PSD2: variants seen among roughly 807,000 people sequenced by gnomAD.
PSD2 encodes PH and SEC7 domain-containing protein 2.
In PSD2, 38 loss-of-function variants were observed where a neutral mutation model predicts 69.8. The ratio of observed to expected loss-of-function variants is 0.54; its 90% CI spans 0.42 to 0.71. The LOEUF is 0.71. Among genes scored for constraint, PSD2 ranks in the 30% least tolerant of loss-of-function variants. PSD2 has a pLI of 0.00. For synonymous variants in PSD2, 412 were observed against 423.0 expected (o/e 0.97, Z 0.32); for missense variants, 943 against 1,014.5 (o/e 0.93, Z 0.96).
At chr5:139,805,654 T>C (rs1419021893) in intron 1 of PSD2, among the ~76,000 whole-genome samples, 2 of 152,026 alleles carry the variant, frequency 1.3e-5, no homozygotes, top group Non-Finnish European at 2.9e-5. Flanking sequence ...AGTGTTGGAG[T>C]TGAGCCCTGA....
At chr5:139,827,316 A>G (rs181162405) in intron 7 of PSD2, among the ~76,000 whole-genome samples, 2 of 152,374 alleles carry the variant, frequency 1.3e-5, no homozygotes, top group East Asian at 3.9e-4. Flanking sequence ...AGGAGTCTCC[A>G]TGCCCATGTG....
the PSD2 span, among the ~76,000 whole-genome samples, chr5:139,776,670 C>CTT: frequency 0.026 from 3,485 of 132,998 alleles, 139 homozygotes; most frequent in African/African-American, 0.095. Context: ...TTCTGAGCTG[C>CTT]TTTTTTTTTT....
rs188678638 is a variant in PSD2 at position 139,827,131 on chromosome 5, G to A, written c.1269+4347G>A. On this transcript the variant is annotated intron_variant, in intron 7 of 14. Coordinates refer to ENST00000274710, the MANE Select transcript of PSD2 (RefSeq NM_032289.4). ...GAGGTGATCCAGGGCCTAGCCCTGG[G>A]CTAGAGGTGGGGTCATTCTTCCCCA... 7.3e-3 allele frequency among the ~76,000 whole-genome samples: 1,115 copies of A among 152,352 alleles called. 49 individuals are homozygous for A. The highest frequency in any genetic ancestry group is 0.063 in the Admixed American group (971 of 15,308).
intron 1 of PSD2, among the ~76,000 whole-genome samples, chr5:139,803,095 C>G (rs1759714386): frequency 6.6e-6 from 1 of 152,258 alleles, no homozygotes; most frequent in African/African-American, 2.4e-5. Context: ...GGCCCTTGCC[C>G]TACACTTGTG....
At chr5:139,760,931 G>A in the PSD2 span, among the ~76,000 whole-genome samples, 2 of 152,298 alleles carry the variant, frequency 1.3e-5, 1 homozygote, top group African/African-American at 4.8e-5. Flanking sequence ...GGGATCTCCT[G>A]GTCCCAAGGT....
chr5:139,803,881 TC>T (rs1183980011), intron 1 of PSD2, among the ~76,000 whole-genome samples: 2 of 152,052 alleles, frequency 1.3e-5, no homozygotes, highest in Non-Finnish European at 1.5e-5. Context: ...GGTGGGAAGA[TC>T]CTTAACTCCA....
the PSD2 span, among the ~76,000 whole-genome samples, chr5:139,746,452 C>T: frequency 1.4e-4 from 22 of 152,196 alleles, no homozygotes; most frequent in Admixed American, 1.0e-3. This position sits in a 1 kb window ranked among gnomAD's most constrained non-coding sequence, Gnocchi z 4.5. Context: ...CTTCTCCCTG[C>T]CGCAGGCTAC....
At chr5:139,776,873 A>G in the PSD2 span, among the ~76,000 whole-genome samples, 1 of 151,494 alleles carries the variant, frequency 6.6e-6, no homozygotes, top group South Asian at 2.1e-4. Context: ...CCCCTCTCTA[A>G]CCCTCCCGAC....
At chr5:139,787,363 C>T in the PSD2 span, among the ~76,000 whole-genome samples, 11 of 152,372 alleles carry the variant, frequency 7.2e-5, no homozygotes, top group South Asian at 2.1e-4. Context: ...GAAGGGGGGC[C>T]TGGGCTCTGC....
chr5:139,750,348 A>C, the PSD2 span, among the ~76,000 whole-genome samples: 18 of 152,176 alleles, frequency 1.2e-4, no homozygotes, highest in South Asian at 2.1e-4. Context: ...CAAAACAAAA[A>C]AAAACCCAAA....
At chr5:139,759,236 C>T in the PSD2 span, among the ~76,000 whole-genome samples, 1 of 152,182 alleles carries the variant, frequency 6.6e-6, no homozygotes, top group Non-Finnish European at 1.5e-5. Flanking sequence ...CCGCACACCG[C>T]AGATCCCAGC....
chr5:139,818,512 C>T (rs1315423167), intron 5 of PSD2, among the ~76,000 whole-genome samples: 6 of 152,186 alleles, frequency 3.9e-5, no homozygotes, highest in Non-Finnish European at 8.8e-5. Context: ...CACCACTGCA[C>T]TCCAGCCTGG....
the PSD2 span, among the ~76,000 whole-genome samples, chr5:139,745,576 T>C: frequency 2.6e-5 from 4 of 152,250 alleles, no homozygotes; most frequent in African/African-American, 9.6e-5. Flanking sequence ...AGAGAACTTC[T>C]CTGCTCCTAG....
In PSD2 at chr5:139,813,268, A is replaced by G. The variant is rs575861705; in HGVS notation, c.372-41A>G. 5 of 1,489,424 alleles carry G rather than the reference A, an allele frequency of 3.4e-6. No homozygotes were observed. The African/African-American group carries it at 7.0e-5, about 21-fold the overall frequency. The allele number at this position is 1,489,424 out of a possible 1,614,324, so 92.3% of individuals were successfully genotyped here. A position where few individuals can be genotyped will look rare whatever the true frequency, so the allele number is the denominator to read the frequency against. ...GTAGTCACCAGCACCTGTATGGGGG[A>G]CAGCTTGGCAGGATGGTGACTGGCT... is the stretch of plus-strand genomic sequence containing the variant. On this transcript the variant is annotated intron_variant, in intron 2 of 14. Coordinates refer to ENST00000274710, the MANE Select transcript of PSD2 (RefSeq NM_032289.4).
the PSD2 span, among the ~76,000 whole-genome samples, chr5:139,756,748 G>A: frequency 6.6e-6 from 1 of 152,124 alleles, no homozygotes; most frequent in Non-Finnish European, 1.5e-5. Flanking sequence ...AATCAAAGTT[G>A]GCCTTCAGGA....
At chr5:139,754,476 T>C in the PSD2 span, among the ~76,000 whole-genome samples, 1 of 151,878 alleles carries the variant, frequency 6.6e-6, no homozygotes, top group Non-Finnish European at 1.5e-5. Flanking sequence ...ACAGATCGCT[T>C]GAGCTCAGGA....
upstream of PSD2, among the ~76,000 whole-genome samples, chr5:139,794,420 G>C (rs183336086): frequency 1.3e-5 from 2 of 152,202 alleles, no homozygotes; most frequent in African/African-American, 2.4e-5. Flanking sequence ...GGGAGACTAC[G>C]CACAGCTCAG....
chr5:139,831,960 C>T (rs1760606858), intron 7 of PSD2, among the ~76,000 whole-genome samples: 1 of 152,184 alleles, frequency 6.6e-6, no homozygotes. Context: ...GGCCACTTAG[C>T]CGCTCAGCCC....
chr5:139,807,981 A>G (rs1025722085), intron 1 of PSD2, among the ~76,000 whole-genome samples: 8 of 152,226 alleles, frequency 5.3e-5, no homozygotes, highest in Non-Finnish European at 1.2e-4. Context: ...ATGACCAGGC[A>G]AGTATAGGAA....
Sources: allele counts gnomAD v4.1 joint callset (sites outside exome capture counted in the v4.1 genomes callset), GRCh38; gene constraint gnomAD v4.1.1; non-coding constraint Gnocchi (gnomAD v3.1); transcripts MANE v1.5; gene names NCBI Gene and HGNC (gene_info 2026-07-23, HGNC 2026-07-21).